Variants in SLC35D4 observed in about 807,000 individuals in gnomAD.
SLC35D4 encodes the protein solute carrier family 35 member D4, also known as UDP-N-acetylglucosamine transporter SLC35D4.
At chr18:23,285,179 C>T in the SLC35D4 span, among the ~76,000 whole-genome samples, 1 of 152,010 alleles carries the variant, frequency 6.6e-6, no homozygotes, top group East Asian at 1.9e-4. Flanking sequence ...TTATCTGTGC[C>T]CCAACCCCTT....
At chr18:23,299,382 C>T in the SLC35D4 span, among the ~76,000 whole-genome samples, 320 of 152,312 alleles carry the variant, frequency 2.1e-3, 2 homozygotes, top group Non-Finnish European at 3.1e-3. Flanking sequence ...CGGTGGGCCA[C>T]CCAACTTCTG....
the SLC35D4 span, among the ~76,000 whole-genome samples, chr18:23,418,886 T>TTTAAATGA: frequency 6.6e-6 from 1 of 151,812 alleles, no homozygotes; most frequent in Admixed American, 6.6e-5. Flanking sequence ...CACGCGCCTG[T>TTTAAATGA]AGTCCCAGCT....
the SLC35D4 span, among the ~76,000 whole-genome samples, chr18:23,415,530 C>A: frequency 6.6e-6 from 1 of 152,220 alleles, no homozygotes; most frequent in Non-Finnish European, 1.5e-5. Flanking sequence ...CTGCCTTCTG[C>A]AATGGTTCCA....
At chr18:23,300,825 A>G in the SLC35D4 span, among the ~76,000 whole-genome samples, 1 of 152,262 alleles carries the variant, frequency 6.6e-6, no homozygotes, top group South Asian at 2.1e-4. Context: ...AGAAATATCC[A>G]TCACTAGCTT....
At chr18:23,419,245 T>C in the SLC35D4 span, among the ~76,000 whole-genome samples, 1 of 152,150 alleles carries the variant, frequency 6.6e-6, no homozygotes, top group Non-Finnish European at 1.5e-5. Context: ...CCAGTTCAGA[T>C]TATAGTTTTG....
chr18:23,278,527 T>C, the SLC35D4 span, among the ~76,000 whole-genome samples: 1 of 152,174 alleles, frequency 6.6e-6, no homozygotes, highest in Non-Finnish European at 1.5e-5. Context: ...TAATCCTATA[T>C]TTCCTGGGAG....
the SLC35D4 span, among the ~76,000 whole-genome samples, chr18:23,292,685 C>G: frequency 2.0e-5 from 3 of 152,178 alleles, no homozygotes; most frequent in African/African-American, 7.2e-5. Flanking sequence ...AACCTAGATT[C>G]GAGTCCCAGC....
chr18:23,379,850 C>A, the SLC35D4 span, among the ~76,000 whole-genome samples: 1 of 152,022 alleles, frequency 6.6e-6, no homozygotes, highest in Non-Finnish European at 1.5e-5. Context: ...AATCCCAGCA[C>A]TTGGGGAGGC....
the SLC35D4 span, among the ~76,000 whole-genome samples, chr18:23,360,686 C>T: frequency 5.3e-5 from 8 of 152,082 alleles, no homozygotes; most frequent in Non-Finnish European, 1.2e-4. Flanking sequence ...ATAAGTTACG[C>T]AGGTGTGTAG....
At chr18:23,326,755 C>A in the SLC35D4 span, among the ~76,000 whole-genome samples, 7 of 152,344 alleles carry the variant, frequency 4.6e-5, no homozygotes, top group African/African-American at 1.4e-4. Flanking sequence ...ACACATTCTT[C>A]TCAGCACCAC....
chr18:23,377,846 T>A, the SLC35D4 span, among the ~76,000 whole-genome samples: 1 of 152,054 alleles, frequency 6.6e-6, no homozygotes. Context: ...AAATGAAGGA[T>A]GACTCAGAAT....
At chr18:23,399,591 G>C in the SLC35D4 span, 1 of 1,613,862 alleles carries the variant, frequency 6.2e-7, no homozygotes. Flanking sequence ...TCTGGACCCA[G>C]CATAGATTAT....
At chr18:23,388,811 G>A in the SLC35D4 span, among the ~76,000 whole-genome samples, 46,686 of 151,732 alleles carry the variant, frequency 0.31, 8,564 homozygotes, top group East Asian at 0.47. Flanking sequence ...AAAAGTGTGC[G>A]GCCCTTCTCC....
At chr18:23,322,629 A>G in the SLC35D4 span, among the ~76,000 whole-genome samples, 8 of 152,330 alleles carry the variant, frequency 5.3e-5, no homozygotes, top group East Asian at 1.5e-3. Context: ...TTCTTCCTCC[A>G]TCTTTCTCTT....
chr18:23,377,749 A>ATAAAAACAAATAAAACAAACAAACAAAAG, the SLC35D4 span: 1 of 1,297,100 alleles, frequency 7.7e-7, no homozygotes, highest in Non-Finnish European at 1.0e-6. Flanking sequence ...ATTTTGATCA[A>ATAAAAACAAATAAAACAAACAAACAAAAG]GAGGCAAATA....
At chr18:23,275,592 G>GGT in the SLC35D4 span, among the ~76,000 whole-genome samples, 5 of 142,818 alleles carry the variant, frequency 3.5e-5, no homozygotes, top group Admixed American at 7.0e-5. Context: ...GGGTCAGAAA[G>GGT]AGTGCTGTGC....
At chr18:23,359,870 T>C in the SLC35D4 span, among the ~76,000 whole-genome samples, 1 of 152,158 alleles carries the variant, frequency 6.6e-6, no homozygotes, top group Non-Finnish European at 1.5e-5. Context: ...GGAAATTTCC[T>C]CTACTATACT....
chr18:23,345,522 A>T, the SLC35D4 span, among the ~76,000 whole-genome samples: 2 of 147,268 alleles, frequency 1.4e-5, no homozygotes, highest in Non-Finnish European at 3.0e-5. Flanking sequence ...TTCTTTCCTC[A>T]TTGTGATTGG....
At chr18:23,385,712 G>A in the SLC35D4 span, among the ~76,000 whole-genome samples, 5 of 152,174 alleles carry the variant, frequency 3.3e-5, no homozygotes, top group African/African-American at 1.2e-4. Context: ...GAGGGACCCA[G>A]GAACCAGTGA....
Sources: gnomAD v4.1 joint callset for allele counts (sites outside exome capture counted in the v4.1 genomes callset) on GRCh38, gnomAD v4.1.1 for gene constraint, MANE v1.5 for transcripts, NCBI Gene and HGNC (gene_info 2026-07-23, HGNC 2026-07-21) for gene names.